Variants in STYXL1 observed in about 807,000 individuals in gnomAD.
STYXL1 encodes the protein serine/threonine/tyrosine interacting like 1.
In STYXL1, 32 loss-of-function variants were observed where a neutral mutation model predicts 36.4. That is an observed-to-expected ratio of 0.88 (90% CI 0.66 to 1.18). The LOEUF (loss-of-function observed/expected upper bound fraction) is 1.18, where lower values mean the gene tolerates loss of function less well. STYXL1 is among the 50% of genes most tolerant of loss of function. The probability of loss-of-function intolerance (pLI) is 0.00; values close to 1 mark genes in which losing one functional copy is unlikely to be tolerated. For missense variants in STYXL1, 354 were observed against 394.1 expected, an observed-to-expected ratio of 0.90 and a Z score of 0.86; for synonymous variants, 133 against 144.1, an observed-to-expected ratio of 0.92 and a Z score of 0.55.
chr7:76,005,847 A>G (rs1791615762), intron 5 of STYXL1, among the ~76,000 whole-genome samples: 1 of 22,550 alleles, frequency 4.4e-5, no homozygotes, highest in Non-Finnish European at 1.1e-4. Flanking sequence ...GAGGAGGAAG[A>G]GAGAGGAGGA....
chr7:76,024,171 C>G (rs1461565463), intron 3 of STYXL1, among the ~76,000 whole-genome samples: 1 of 152,090 alleles, frequency 6.6e-6, no homozygotes, highest in Non-Finnish European at 1.5e-5. Context: ...AGCCACCGTG[C>G]CTGGCCAGAA....
rs782489298 is a variant in STYXL1, at chr7:76,021,875, A to AATC, written c.280_282dup (p.Asp94dup). ...CCTTTGCCATCACCATCAGAGTCTG[A>AATC]ATCATCATCATCATCTTTTAAGAGT... On this transcript the variant is annotated inframe_insertion, in exon 4 of 9. Coordinates refer to ENST00000359697, the MANE Select transcript of STYXL1 (RefSeq NM_001317785.2). The AATC allele has an allele frequency of 1.9e-6, 3 of 1,613,136 alleles. No individual in the cohort carries two copies. The highest frequency in any genetic ancestry group is 8.5e-7 in the Non-Finnish European group (1 of 1,179,464).
At chr7:75,997,603 A>G (rs1790298294) in intron 8 of STYXL1, among the ~76,000 whole-genome samples, 1 of 152,212 alleles carries the variant, frequency 6.6e-6, no homozygotes, top group Non-Finnish European at 1.5e-5. Flanking sequence ...TAGAAGTCCT[A>G]GCCAGAACAA....
intron 1 of STYXL1, among the ~76,000 whole-genome samples, chr7:76,046,290 G>C (rs1009709430): frequency 0.034 from 327 of 9,728 alleles, 2 homozygotes; most frequent in African/African-American, 0.064. Flanking sequence ...GTGTGTGTGT[G>C]TGTGTGTGTG....
At chr7:75,999,511 A>ATATATG (rs1554565620) in intron 8 of STYXL1, among the ~76,000 whole-genome samples, 1 of 95,908 alleles carries the variant, frequency 1.0e-5, no homozygotes, top group Non-Finnish European at 2.0e-5. Context: ...GTGTGTGTGT[A>ATATATG]TGTGTGTGTG....
intron 3 of STYXL1, among the ~76,000 whole-genome samples, chr7:76,023,654 G>A (rs1794339591): frequency 6.6e-6 from 1 of 152,076 alleles, no homozygotes; most frequent in Non-Finnish European, 1.5e-5. Flanking sequence ...TTGAGTCTGG[G>A]AGGTGGAGGC....
intron 3 of STYXL1, among the ~76,000 whole-genome samples, chr7:76,024,093 G>A (rs782695365): frequency 5.3e-5 from 8 of 151,988 alleles, no homozygotes; most frequent in Non-Finnish European, 1.0e-4. Flanking sequence ...GTCCAGGCTC[G>A]TCTCAAACTC....
At chr7:76,039,906 C>G (rs1267825705) in intron 1 of STYXL1, among the ~76,000 whole-genome samples, 4 of 152,176 alleles carry the variant, frequency 2.6e-5, no homozygotes, top group African/African-American at 7.2e-5. Flanking sequence ...CTCAACTTCC[C>G]AAAGTGCTGG....
chr7:76,010,785 C>T (rs1304328109), intron 5 of STYXL1, among the ~76,000 whole-genome samples: 3 of 152,080 alleles, frequency 2.0e-5, no homozygotes, highest in South Asian at 4.1e-4. Context: ...CTTTGAGTGC[C>T]CCCAGCAAAC....
intron 3 of STYXL1, among the ~76,000 whole-genome samples, chr7:76,022,506 A>T (rs1794195539): frequency 6.6e-6 from 1 of 151,940 alleles, no homozygotes; most frequent in Non-Finnish European, 1.5e-5. Flanking sequence ...GAAAAAAAAA[A>T]AAATACAAAA....
intron 8 of STYXL1, among the ~76,000 whole-genome samples, chr7:75,997,218 G>C (rs1554564394): frequency 1.3e-5 from 2 of 152,208 alleles, no homozygotes; most frequent in African/African-American, 4.8e-5. Flanking sequence ...GATCACCTGA[G>C]GTCAGGAGTT....
At chr7:75,996,648 T>C (rs1790172595) in intron 8 of STYXL1, 49 bp from the exon 9 acceptor site, 1 of 1,589,990 alleles carries the variant, frequency 6.3e-7, no homozygotes, top group South Asian at 1.1e-5. Context: ...TCCTGGGCCC[T>C]TTCCACTTGG....
Position 76,003,852 on chromosome 7 carries a change from A to C in STYXL1, c.603T>G (p.Phe201Leu). The C allele has an allele frequency of 6.2e-7, 1 of 1,614,160 alleles. No homozygotes were observed. Among genetic ancestry groups the C allele is most frequent in the Non-Finnish European group, 8.5e-7 (1 of 1,180,000 alleles). The change falls in exon 7 of 9, where the codon TTT becomes TTG. Residue 201 changes from phenylalanine (F) to leucine (L), a missense_variant. Transcript: ENST00000359697. ...GCAGAAGCTTGTCAGCATCGCCTGC[A>C]AAACTACACGGAAGGACCACACAGG... ...VNVSMDTGPF[F>L]AGDADKLLHI...
At chr7:76,005,177 A>G in intron 6 of STYXL1, 82 bp downstream of exon 6, 1 of 908,844 alleles carries the variant, frequency 1.1e-6, no homozygotes, top group African/African-American at 1.8e-5. Flanking sequence ...TAATAATAAA[A>G]TTAAAAAAAA....
At chr7:76,005,901 A>AGAG (rs1218252484) in intron 5 of STYXL1, among the ~76,000 whole-genome samples, 5 of 39,482 alleles carry the variant, frequency 1.3e-4, no homozygotes, top group South Asian at 7.1e-4. Context: ...GGAGGAGGAG[A>AGAG]GAGGAGGAGG....
intron 5 of STYXL1, among the ~76,000 whole-genome samples, chr7:76,010,374 C>T (rs1428595609): frequency 6.6e-6 from 1 of 152,148 alleles, no homozygotes; most frequent in South Asian, 2.1e-4. Flanking sequence ...GATCTGGGAA[C>T]ATGTCTGACC....
intron 1 of STYXL1, among the ~76,000 whole-genome samples, chr7:76,038,992 G>C (rs1796220038): frequency 3.6e-5 from 5 of 140,812 alleles, no homozygotes; most frequent in Admixed American, 2.9e-4. Context: ...CTGTTGCCTA[G>C]GCTGTACTGC....
chr7:76,018,460 G>A (rs548720350), intron 4 of STYXL1, among the ~76,000 whole-genome samples: 12 of 151,182 alleles, frequency 7.9e-5, no homozygotes, highest in African/African-American at 2.4e-4. Flanking sequence ...GCACAAACTC[G>A]GCTCACTGCA....
intron 3 of STYXL1, 131 bp downstream of exon 3, chr7:76,028,511 A>G: frequency 1.3e-6 from 1 of 784,536 alleles, no homozygotes; most frequent in South Asian, 1.5e-5. Context: ...GGTGTGGAAG[A>G]CCACCACGGT....
Sources: gnomAD v4.1 joint callset for allele counts (sites outside exome capture counted in the v4.1 genomes callset) on GRCh38, gnomAD v4.1.1 for gene constraint, MANE v1.5 for transcripts, NCBI Gene and HGNC (gene_info 2026-07-23, HGNC 2026-07-21) for gene names.